Variants in AQR observed in about 807,000 individuals in gnomAD.
AQR encodes RNA helicase aquarius.
In AQR, 61 loss-of-function variants were observed where a neutral mutation model predicts 180.5. The observed-to-expected ratio is 0.34, with a 90% CI of 0.28 to 0.42. The LOEUF (loss-of-function observed/expected upper bound fraction) is 0.42, where lower values mean the gene tolerates loss of function less well. Among genes scored for constraint, AQR ranks in the 10% least tolerant of loss-of-function variants. The pLI is 1.00. For synonymous variants in AQR, 551 were observed against 588.8 expected (o/e 0.94, Z 0.93); for missense variants, 1,281 against 1,798.3 (o/e 0.71, Z 5.20).
At chr15:34,889,223 A>G (rs1893104995) in intron 24 of AQR, among the ~76,000 whole-genome samples, 2 of 152,256 alleles carry the variant, frequency 1.3e-5, no homozygotes, top group Admixed American at 1.3e-4. Context: ...TCTGAAATTA[A>G]GAATATAGAG....
intron 16 of AQR, among the ~76,000 whole-genome samples, chr15:34,913,535 A>T (rs1893531084): frequency 6.6e-6 from 1 of 152,192 alleles, no homozygotes; most frequent in Non-Finnish European, 1.5e-5. Flanking sequence ...TAACTCCAAG[A>T]AGTGACATTT....
chr15:34,862,261 T>C (rs925553614), intron 33 of AQR, among the ~76,000 whole-genome samples: 7 of 152,126 alleles, frequency 4.6e-5, no homozygotes, highest in Non-Finnish European at 1.0e-4. Context: ...AGTTAAGTTC[T>C]CCTTACAAAG....
At chr15:34,894,681 T>G (rs1438449431) in intron 22 of AQR, among the ~76,000 whole-genome samples, 1 of 152,128 alleles carries the variant, frequency 6.6e-6, no homozygotes, top group Non-Finnish European at 1.5e-5. Flanking sequence ...CTTAAAGTAT[T>G]TAGATGTAGC....
chr15:34,955,785 T>C (rs374886998), intron 3 of AQR, among the ~76,000 whole-genome samples: 4 of 151,994 alleles, frequency 2.6e-5, no homozygotes, highest in South Asian at 2.1e-4. Context: ...GGCGGGCACC[T>C]GTAATCCCAA....
At chr15:34,949,894 G>C (rs1250420583) in intron 4 of AQR, among the ~76,000 whole-genome samples, 1 of 150,022 alleles carries the variant, frequency 6.7e-6, no homozygotes, top group Non-Finnish European at 1.5e-5. Flanking sequence ...TGGGCCTAGG[G>C]GGTTGAGGTT....
At chr15:34,858,077 A>T (rs563436029) in intron 34 of AQR, among the ~76,000 whole-genome samples, 1 of 152,050 alleles carries the variant, frequency 6.6e-6, no homozygotes, top group Non-Finnish European at 1.5e-5. Context: ...TCCGTCTCCC[A>T]GGTTCAAGCG....
intron 15 of AQR, among the ~76,000 whole-genome samples, chr15:34,916,882 CAA>C (rs71119988): frequency 2.3e-3 from 186 of 79,210 alleles, no homozygotes; most frequent in Non-Finnish European, 2.8e-3. Context: ...TTCAGCAGAA[CAA>C]AAAAAAAAAA....
intron 33 of AQR, among the ~76,000 whole-genome samples, chr15:34,860,408 T>C (rs1454064979): frequency 6.7e-6 from 1 of 149,952 alleles, no homozygotes; most frequent in East Asian, 1.9e-4. Flanking sequence ...GTGACTCCCA[T>C]TAAAAAAAAA....
At chr15:34,942,999 CATCT>C in intron 6 of AQR, 1 of 1,433,800 alleles carries the variant, frequency 7.0e-7, no homozygotes, top group Non-Finnish European at 9.6e-7. Flanking sequence ...AAAAAAATCA[CATCT>C]ATTTATATTT....
intron 3 of AQR, among the ~76,000 whole-genome samples, chr15:34,960,220 A>G (rs535487018): frequency 1.3e-5 from 2 of 152,344 alleles, no homozygotes; most frequent in African/African-American, 4.8e-5. Context: ...AATAGCATGT[A>G]GAGTACAAAC....
chr15:34,858,266 A>G (rs555604201), intron 34 of AQR, among the ~76,000 whole-genome samples: 14 of 150,570 alleles, frequency 9.3e-5, no homozygotes, highest in African/African-American at 2.9e-4. Flanking sequence ...TTACAGGCAT[A>G]AGCCACCGCG....
chr15:34,964,388 C>T, intron 1 of AQR, 98 bp from the exon 2 acceptor site: 4 of 956,870 alleles, frequency 4.2e-6, no homozygotes, highest in Non-Finnish European at 6.6e-6. Flanking sequence ...TAACAAGGCC[C>T]TACTCGGCAC....
Position 34,882,482 on chromosome 15 carries a change from A to C in AQR, c.3165+20T>G, listed in dbSNP as rs979923377. 6.8e-7 allele frequency: 1 copy of C among 1,472,458 alleles called. No individual in the cohort carries two copies. The highest frequency in any genetic ancestry group is 9.0e-7 in the Non-Finnish European group (1 of 1,110,866). The allele number at this position is 1,472,458 out of a possible 1,614,324, so 91.2% of individuals were successfully genotyped here. A position where few individuals can be genotyped will look rare whatever the true frequency, so the allele number is the denominator to read the frequency against. ...GATAATCTTAAAAAAAAAAAAAAAA[A>C]AACTACCATAAGTCTTTACCTTGAA... On this transcript the variant is annotated intron_variant, in intron 27 of 34. Transcript: ENST00000156471.
intron 24 of AQR, among the ~76,000 whole-genome samples, chr15:34,887,650 C>G (rs1413153516): frequency 6.6e-6 from 1 of 152,110 alleles, no homozygotes; most frequent in Non-Finnish European, 1.5e-5. Context: ...AAAGGGTCTC[C>G]CATAACCCTT....
chr15:34,893,694 T>C lies in AQR; in HGVS notation c.2540A>G (p.Gln847Arg). The C allele has an allele frequency of 6.2e-7, 1 of 1,613,742 alleles. No individual in the cohort carries two copies. Among genetic ancestry groups the C allele is most frequent in the Non-Finnish European group, 8.5e-7 (1 of 1,179,918 alleles). Residue 847 changes from glutamine (Q) to arginine (R), a missense_variant, in exon 23 of 35, where the codon CAG (glutamine) becomes CGG (arginine). By Grantham distance (43) the Gln-to-Arg change is conservative. This residue lies in a region of AQR where 31 missense variants were observed against 95.5 expected (regional missense o/e 0.32). Transcript: ENST00000156471. ...GGAATGAGTAACAATTAGAGTCCTCTGTTCTGGGAAGTTGTGGTAGATGTT... is the reference window on the plus strand; with the variant it reads ...GGAATGAGTAACAATTAGAGTCCTCCGTTCTGGGAAGTTGTGGTAGATGTT... Reference protein sequence around the residue: ...ISNIYHNFPEQRTLIVTHSNQ... With the variant: ...ISNIYHNFPERRTLIVTHSNQ...
intron 20 of AQR, 106 bp from the exon 21 acceptor site, chr15:34,897,811 T>C (rs1163112056): frequency 2.4e-6 from 3 of 1,264,394 alleles, no homozygotes; most frequent in Non-Finnish European, 2.2e-6. Flanking sequence ...GTAAGAAACA[T>C]TTCTGGCTTA....
chr15:34,969,667 G>C lies in AQR; in HGVS notation c.-54C>G, dbSNP rs569877065. 184 of 1,573,190 alleles carry C rather than the reference G, an allele frequency of 1.2e-4. No individual in the cohort carries two copies. The Admixed American group carries it at 3.2e-3, about 27-fold the overall frequency. ...AAACTAAAGGACCGCTCTGGGCAGCGGCAACCCTGGTCCACTTCCCTTAAG... is the reference window on the plus strand; with the variant it reads ...AAACTAAAGGACCGCTCTGGGCAGCCGCAACCCTGGTCCACTTCCCTTAAG... On this transcript the variant is annotated 5_prime_UTR_variant, in exon 1 of 35. Coordinates refer to ENST00000156471, the MANE Select transcript of AQR (RefSeq NM_014691.3).
intron 16 of AQR, among the ~76,000 whole-genome samples, chr15:34,913,397 ATCT>A (rs1391217104): frequency 1.3e-5 from 2 of 152,170 alleles, no homozygotes; most frequent in African/African-American, 4.8e-5. Flanking sequence ...GCTGGTTTTC[ATCT>A]TCAAGATACA....
At chr15:34,861,167 C>A (rs1348767826) in intron 33 of AQR, among the ~76,000 whole-genome samples, 1 of 152,114 alleles carries the variant, frequency 6.6e-6, no homozygotes, top group East Asian at 1.9e-4. Context: ...ATTTAAAGAG[C>A]ATGAAGTTAG....
Sources: allele counts gnomAD v4.1 joint callset (sites outside exome capture counted in the v4.1 genomes callset), GRCh38; gene constraint gnomAD v4.1.1; regional missense constraint gnomAD v4.1.1; transcripts MANE v1.5; gene names NCBI Gene and HGNC (gene_info 2026-07-23, HGNC 2026-07-21).